Variants in AUH observed in about 807,000 individuals in gnomAD.
AUH encodes AU RNA binding methylglutaconyl-CoA hydratase.
In AUH, 29 loss-of-function variants were observed where a neutral mutation model predicts 42.3. That is an observed-to-expected ratio of 0.69 (90% CI 0.51 to 0.93). AUH has a LOEUF of 0.93. Among genes scored for constraint, AUH ranks in the 40% least tolerant of loss-of-function variants. AUH has a pLI of 0.00. For synonymous variants in AUH, 174 were observed against 166.4 expected, an observed-to-expected ratio of 1.05 and a Z score of -0.35; for missense variants, 452 against 438.1, an observed-to-expected ratio of 1.03 and a Z score of -0.28.
chr9:91,269,929 G>A (rs1343499566), intron 6 of AUH, among the ~76,000 whole-genome samples: 2 of 152,168 alleles, frequency 1.3e-5, no homozygotes, highest in Non-Finnish European at 2.9e-5. Flanking sequence ...ACTACAAAGA[G>A]AAACAAAGTG....
intron 6 of AUH, among the ~76,000 whole-genome samples, chr9:91,258,566 A>AT (rs1829535764): frequency 6.6e-6 from 1 of 152,182 alleles, no homozygotes; most frequent in African/African-American, 2.4e-5. Context: ...TTGCTCACTT[A>AT]TTGCACTGGC....
intron 7 of AUH, among the ~76,000 whole-genome samples, chr9:91,219,121 G>A (rs984647818): frequency 4.6e-5 from 7 of 152,228 alleles, no homozygotes; most frequent in Non-Finnish European, 1.0e-4. Context: ...GGAGAGGACA[G>A]TGCTCACGTT....
chr9:91,318,904 C>T (rs138227898), intron 4 of AUH, among the ~76,000 whole-genome samples: 28 of 152,312 alleles, frequency 1.8e-4, no homozygotes, highest in African/African-American at 6.7e-4. Flanking sequence ...AATTCACACT[C>T]TTTATCATAC....
chr9:91,232,060 T>C (rs572593944), intron 6 of AUH, among the ~76,000 whole-genome samples: 11 of 152,328 alleles, frequency 7.2e-5, no homozygotes, highest in East Asian at 3.9e-4. Context: ...ATTAGCTTGA[T>C]TGACTCTTTC....
At chr9:91,323,758 TAA>T (rs1276697761) in intron 4 of AUH, among the ~76,000 whole-genome samples, 1 of 151,374 alleles carries the variant, frequency 6.6e-6, no homozygotes, top group Non-Finnish European at 1.5e-5. Flanking sequence ...AAAAAAGATA[TAA>T]GACCAAGAAA....
At chr9:91,240,526 T>G (rs924263819) in intron 6 of AUH, among the ~76,000 whole-genome samples, 1 of 152,210 alleles carries the variant, frequency 6.6e-6, no homozygotes, top group African/African-American at 2.4e-5. Context: ...TAAGGCTATC[T>G]GGAGCTGTAC....
chr9:91,317,100 T>C (rs1829215160), intron 4 of AUH, among the ~76,000 whole-genome samples: 1 of 152,214 alleles, frequency 6.6e-6, no homozygotes. Flanking sequence ...GGTATACTTA[T>C]CTATCCGAAA....
chr9:91,254,259 G>A (rs1829291269), intron 6 of AUH, among the ~76,000 whole-genome samples: 1 of 152,166 alleles, frequency 6.6e-6, no homozygotes, highest in South Asian at 2.1e-4. Flanking sequence ...AATGTAAGAG[G>A]ATTAAACAAA....
At chr9:91,252,086 C>T (rs567532442) in intron 6 of AUH, among the ~76,000 whole-genome samples, 1 of 152,114 alleles carries the variant, frequency 6.6e-6, no homozygotes, top group Non-Finnish European at 1.5e-5. Flanking sequence ...TCTGCCTCCG[C>T]CTCCTCAGTA....
At chr9:91,310,896 T>A (rs1353318093) in intron 4 of AUH, among the ~76,000 whole-genome samples, 1 of 152,226 alleles carries the variant, frequency 6.6e-6, no homozygotes, top group Non-Finnish European at 1.5e-5. Flanking sequence ...GTTTGATATG[T>A]ATGTGCATCT....
At chr9:91,226,935 T>C (rs1340554247) in intron 6 of AUH, among the ~76,000 whole-genome samples, 2 of 145,392 alleles carry the variant, frequency 1.4e-5, no homozygotes, top group Non-Finnish European at 3.0e-5. Flanking sequence ...ACCAGTACCA[T>C]GCTGTTTTGG....
At chr9:91,360,054 G>A (rs1587939137) in intron 1 of AUH, among the ~76,000 whole-genome samples, 1 of 149,686 alleles carries the variant, frequency 6.7e-6, no homozygotes, top group African/African-American at 2.4e-5. Flanking sequence ...AAAAATTTTC[G>A]TTTATTATCT....
intron 6 of AUH, among the ~76,000 whole-genome samples, chr9:91,266,869 T>C (rs1366860087): frequency 1.3e-5 from 2 of 152,218 alleles, no homozygotes; most frequent in East Asian, 1.9e-4. Context: ...TTTTAAGGGT[T>C]AGATAGCAAA....
chr9:91,338,765 G>T (rs1830883632), intron 3 of AUH, among the ~76,000 whole-genome samples: 1 of 152,300 alleles, frequency 6.6e-6, no homozygotes, highest in East Asian at 1.9e-4. Context: ...ACTAGCATAA[G>T]AAAGATTGGA....
intron 5 of AUH, among the ~76,000 whole-genome samples, chr9:91,297,021 G>A (rs1027728879): frequency 5.3e-5 from 8 of 152,186 alleles, no homozygotes; most frequent in Admixed American, 4.6e-4. Context: ...ACTCTGTGCC[G>A]TCTGCTGTGC....
intron 3 of AUH, among the ~76,000 whole-genome samples, chr9:91,325,850 T>C (rs1232014072): frequency 2.0e-5 from 3 of 152,218 alleles, no homozygotes; most frequent in African/African-American, 7.2e-5. Context: ...CCACTGCTTT[T>C]GCAGTGTATT....
At chr9:91,351,116 C>T (rs1282267387) in intron 3 of AUH, among the ~76,000 whole-genome samples, 3 of 152,030 alleles carry the variant, frequency 2.0e-5, no homozygotes, top group Non-Finnish European at 2.9e-5. Context: ...ACTACAGGCA[C>T]GCACCACCAT....
intron 6 of AUH, among the ~76,000 whole-genome samples, chr9:91,284,560 C>G (rs1468871986): frequency 1.3e-5 from 2 of 152,154 alleles, no homozygotes; most frequent in African/African-American, 4.8e-5. Context: ...TTGCAATCTA[C>G]TCATCTGACA....
intron 3 of AUH, among the ~76,000 whole-genome samples, chr9:91,350,711 A>G (rs1191919986): frequency 6.6e-6 from 1 of 151,986 alleles, no homozygotes; most frequent in Non-Finnish European, 1.5e-5. Context: ...GTAAGCAGAG[A>G]TCATACCACT....
Sources: allele counts gnomAD v4.1 joint callset (sites outside exome capture counted in the v4.1 genomes callset), GRCh38; gene constraint gnomAD v4.1.1; transcripts MANE v1.5; gene names NCBI Gene and HGNC (gene_info 2026-07-23, HGNC 2026-07-21).